EIPR1: variants seen among roughly 807,000 people sequenced by gnomAD.
The protein encoded by EIPR1 is EARP complex and GARP complex interacting protein 1.
EIPR1 carries 25 observed loss-of-function variants against 48.1 expected under a neutral mutation model. The ratio of observed to expected loss-of-function variants is 0.52; its 90% CI spans 0.38 to 0.73. The LOEUF (loss-of-function observed/expected upper bound fraction) is 0.73. EIPR1 is among the 30% of genes least tolerant of loss of function. EIPR1 has a pLI of 0.00. For missense variants in EIPR1, 415 were observed against 506.2 expected (o/e 0.82, Z 1.73); for synonymous variants, 204 against 201.9 (o/e 1.01, Z -0.09).
chr2:3,208,374 G>A, intron 5 of EIPR1: 2 of 1,294,788 alleles, frequency 1.5e-6, no homozygotes, highest in Non-Finnish European at 2.1e-6. Context: ...TCATTTATAG[G>A]GCATCAGACC....
chr2:3,199,807 G>A (rs796326282), intron 5 of EIPR1, among the ~76,000 whole-genome samples: 73 of 3,158 alleles, frequency 0.023, no homozygotes, highest in Admixed American at 0.056. Context: ...GCACGCATGG[G>A]GGGGTGTCCA....
intron 6 of EIPR1, among the ~76,000 whole-genome samples, chr2:3,194,640 A>G (rs1395673295): frequency 2.0e-5 from 3 of 151,640 alleles, no homozygotes; most frequent in African/African-American, 7.3e-5. Flanking sequence ...ACATACACAT[A>G]CAACACAAAA....
At chr2:3,357,519 C>T (rs948485630) in intron 1 of EIPR1, among the ~76,000 whole-genome samples, 1 of 152,232 alleles carries the variant, frequency 6.6e-6, no homozygotes, top group Non-Finnish European at 1.5e-5. Context: ...CCTGTAACAA[C>T]TGAGTCTTGG....
At chr2:3,270,673 T>C (rs146583949) in intron 3 of EIPR1, among the ~76,000 whole-genome samples, 5 of 152,388 alleles carry the variant, frequency 3.3e-5, no homozygotes, top group East Asian at 1.9e-4. Flanking sequence ...GATTTTAAAA[T>C]ACTTTATTGC....
chr2:3,284,966 C>T (rs376831346), intron 3 of EIPR1, among the ~76,000 whole-genome samples: 2 of 152,118 alleles, frequency 1.3e-5, no homozygotes, highest in Non-Finnish European at 1.5e-5. Context: ...GAAGAACAGA[C>T]GTGTAGGTAT....
intron 1 of EIPR1, among the ~76,000 whole-genome samples, chr2:3,354,938 C>T (rs1378750574): frequency 5.9e-5 from 9 of 152,176 alleles, no homozygotes; most frequent in Admixed American, 5.9e-4. Context: ...ATTATTTCAA[C>T]AGTAAAAGAC....
intron 3 of EIPR1, among the ~76,000 whole-genome samples, chr2:3,288,344 C>T (rs1668268997): frequency 6.6e-6 from 1 of 152,196 alleles, no homozygotes; most frequent in African/African-American, 2.4e-5. Flanking sequence ...AGGAAATTGT[C>T]ATTGAAACTA....
At position 3,299,006 on chromosome 2, in the gene EIPR1, T is replaced by C. The variant is rs559103465; in HGVS notation, c.259+39011A>G. Among the ~76,000 whole-genome samples, 3 of 152,216 alleles carry C rather than the reference T, an allele frequency of 2.0e-5. No homozygotes were observed. In the South Asian group the frequency reaches 6.2e-4, roughly 32 times the overall value. ...GGATCAGAAAGAGAAGGTCCAGTCC[T>C]CTCCCGCTTAACAGCCCCACAGATA... On this transcript the variant is annotated intron_variant, in intron 3 of 8. Coordinates refer to ENST00000382125, the MANE Select transcript of EIPR1 (RefSeq NM_003310.5).
At chr2:3,372,134 T>C (rs1036632915) in intron 1 of EIPR1, among the ~76,000 whole-genome samples, 2 of 151,128 alleles carry the variant, frequency 1.3e-5, no homozygotes, top group Non-Finnish European at 3.0e-5. Context: ...GAATGACTAC[T>C]GGGTACATAA....
chr2:3,332,166 C>T (rs986185472), intron 3 of EIPR1, among the ~76,000 whole-genome samples: 1 of 152,242 alleles, frequency 6.6e-6, no homozygotes, highest in Non-Finnish European at 1.5e-5. Flanking sequence ...GAAATAAAAG[C>T]AGCAAAGTTG....
chr2:3,285,666 G>C (rs1030691945), intron 3 of EIPR1, among the ~76,000 whole-genome samples: 2 of 149,842 alleles, frequency 1.3e-5, no homozygotes, highest in Non-Finnish European at 3.0e-5. Flanking sequence ...CGATGTCTCC[G>C]GGACCCTCGC....
intron 3 of EIPR1, among the ~76,000 whole-genome samples, chr2:3,277,721 C>T (rs1667898471): frequency 6.6e-6 from 1 of 152,246 alleles, no homozygotes; most frequent in African/African-American, 2.4e-5. Flanking sequence ...TGCCTGCAGT[C>T]GGCCGTATCT....
At chr2:3,288,395 T>C (rs1164291575) in intron 3 of EIPR1, among the ~76,000 whole-genome samples, 1 of 151,998 alleles carries the variant, frequency 6.6e-6, no homozygotes, top group East Asian at 1.9e-4. Flanking sequence ...AACAAGGAGG[T>C]GATGTGAAAT....
chr2:3,329,281 A>G (rs75689196), intron 3 of EIPR1, among the ~76,000 whole-genome samples: 1,989 of 22,246 alleles, frequency 0.089, 455 homozygotes, highest in East Asian at 0.55. Context: ...TACCCACCAC[A>G]CTCTAATGAT....
At chr2:3,266,842 G>A (rs1322508847) in intron 3 of EIPR1, among the ~76,000 whole-genome samples, 3 of 152,358 alleles carry the variant, frequency 2.0e-5, no homozygotes. Flanking sequence ...TACTCCACAT[G>A]CCAGAAAGGC....
intron 1 of EIPR1, among the ~76,000 whole-genome samples, chr2:3,367,710 T>A (rs1189714260): frequency 6.6e-6 from 1 of 152,290 alleles, no homozygotes; most frequent in East Asian, 1.9e-4. Flanking sequence ...AGAAAAATCC[T>A]AAAACCAAAT....
chr2:3,313,152 C>T (rs896610730), intron 3 of EIPR1, among the ~76,000 whole-genome samples: 1 of 152,200 alleles, frequency 6.6e-6, no homozygotes, highest in Non-Finnish European at 1.5e-5. Flanking sequence ...GCGATGAGGG[C>T]TGCACTTCTT....
chr2:3,302,568 G>T (rs1029710649), intron 3 of EIPR1, among the ~76,000 whole-genome samples: 3 of 152,240 alleles, frequency 2.0e-5, no homozygotes, highest in African/African-American at 7.2e-5. Context: ...CCTGAGTGCA[G>T]TTGGTGGATG....
intron 3 of EIPR1, among the ~76,000 whole-genome samples, chr2:3,337,791 C>A (rs760867142): frequency 6.6e-6 from 1 of 152,218 alleles, no homozygotes; most frequent in Non-Finnish European, 1.5e-5. Context: ...AAGGGGTCAA[C>A]GTTCTCAGAA....
Sources: gnomAD v4.1 joint callset for allele counts (sites outside exome capture counted in the v4.1 genomes callset) on GRCh38, gnomAD v4.1.1 for gene constraint, MANE v1.5 for transcripts, NCBI Gene and HGNC (gene_info 2026-07-23, HGNC 2026-07-21) for gene names.